The following INPP4B variants were observed in gnomAD, a reference collection of about 807,000 sequenced individuals.
INPP4B encodes the protein inositol polyphosphate-4-phosphatase type II B.
A neutral mutation model predicts 122.5 loss-of-function variants in INPP4B; 55 were observed. The ratio of observed to expected loss-of-function variants is 0.45; its 90% CI spans 0.36 to 0.56. The LOEUF (loss-of-function observed/expected upper bound fraction) is 0.56. Among genes scored for constraint, INPP4B ranks in the 20% least tolerant of loss-of-function variants. The pLI is 0.00. For synonymous variants in INPP4B, 403 were observed against 388.7 expected, an observed-to-expected ratio of 1.04 and a Z score of -0.43; for missense variants, 1,000 against 1,097.7, an observed-to-expected ratio of 0.91 and a Z score of 1.26.
chr4:142,164,941 G>A (rs1280088998), intron 16 of INPP4B, among the ~76,000 whole-genome samples: 2 of 151,298 alleles, frequency 1.3e-5, no homozygotes, highest in Non-Finnish European at 3.0e-5. Context: ...TTCTTTTCTT[G>A]ACTCATCATT....
chr4:142,093,127 T>C (rs4989471), intron 23 of INPP4B, among the ~76,000 whole-genome samples: 38,979 of 151,818 alleles, frequency 0.26, 5,036 homozygotes, highest in East Asian at 0.3. Context: ...AACCCAGCCA[T>C]TATGCTGGAA....
chr4:142,429,694 C>T (rs1808868481), intron 4 of INPP4B, among the ~76,000 whole-genome samples: 1 of 151,960 alleles, frequency 6.6e-6, no homozygotes, highest in Non-Finnish European at 1.5e-5. Context: ...GGTTATTCTG[C>T]TAATTTATTA....
intron 2 of INPP4B, among the ~76,000 whole-genome samples, chr4:142,658,652 C>A (rs186257949): frequency 1.3e-5 from 2 of 152,254 alleles, no homozygotes; most frequent in East Asian, 1.9e-4. Flanking sequence ...TCTTTTGCAG[C>A]AGGATGCAAT....
At chr4:142,285,238 G>A (rs1485363130) in intron 9 of INPP4B, among the ~76,000 whole-genome samples, 1 of 151,990 alleles carries the variant, frequency 6.6e-6, no homozygotes, top group African/African-American at 2.4e-5. Context: ...AGCCTGAGAG[G>A]CCATTGAGCT....
rs188757527 is a variant in INPP4B at position 142,160,683 on chromosome 4, G to A, written c.1360-122C>T. Reference sequence around the variant, plus strand: ...TGTGTATGGTGGAAAAAGTACAGACGCCAAGGAGAGAAAATGATTCATACC... The same window carrying A: ...TGTGTATGGTGGAAAAAGTACAGACACCAAGGAGAGAAAATGATTCATACC... On this transcript the variant is annotated intron_variant, in intron 16 of 25. Transcript: ENST00000262992. 1,781 of 607,890 alleles carry A rather than the reference G, an allele frequency of 2.9e-3. 4 individuals carry two copies. The highest frequency in any genetic ancestry group is 6.2e-3 in the Admixed American group (210 of 33,944). 37.7% of individuals were successfully genotyped at this position (607,890 alleles called of 1,614,324 possible).
intron 23 of INPP4B, among the ~76,000 whole-genome samples, chr4:142,102,460 CTTTT>C (rs35404733): frequency 3.0e-5 from 3 of 99,676 alleles, no homozygotes; most frequent in Non-Finnish European, 2.1e-5. Flanking sequence ...TGAACAAAGT[CTTTT>C]TTTTTTTTTT....
intron 25 of INPP4B, chr4:142,029,380 T>G: frequency 1.0e-6 from 1 of 985,554 alleles, no homozygotes. Context: ...TTTTATTATT[T>G]TAGCTGTGCA....
chr4:142,493,861 A>G (rs1161028782), intron 2 of INPP4B, among the ~76,000 whole-genome samples: 1 of 152,096 alleles, frequency 6.6e-6, no homozygotes. Context: ...GGGAGGGACC[A>G]GGGGGTTGGA....
chr4:142,540,721 T>G (rs1167210509), intron 2 of INPP4B, among the ~76,000 whole-genome samples: 1 of 152,138 alleles, frequency 6.6e-6, no homozygotes, highest in Non-Finnish European at 1.5e-5. Flanking sequence ...AATACATCAT[T>G]TTATTTTATG....
intron 2 of INPP4B, among the ~76,000 whole-genome samples, chr4:142,641,787 A>G (rs1403224921): frequency 6.6e-6 from 1 of 152,174 alleles, no homozygotes; most frequent in Non-Finnish European, 1.5e-5. Context: ...ATACCCAGTA[A>G]TGATTTGGCT....
At chr4:142,091,075 C>CA (rs1779314171) in intron 23 of INPP4B, among the ~76,000 whole-genome samples, 1 of 152,100 alleles carries the variant, frequency 6.6e-6, no homozygotes, top group South Asian at 2.1e-4. Flanking sequence ...TTGATGTTCT[C>CA]ATAGGAGGGG....
In INPP4B at chr4:142,460,965, G is replaced by A. The variant is rs532836055; in HGVS notation, c.-127+1698C>T. Among the ~76,000 whole-genome samples the A allele has an allele frequency of 1.1e-4, 16 of 152,200 alleles. No individual in the cohort carries two copies. The East Asian group carries it at 3.1e-3, about 29-fold the overall frequency. ...AGGCCAAGATGGGTGGATCATTTGA[G>A]CTCAGGGGTTCAAGACGAGCCTAGG... On this transcript the variant is annotated intron_variant, in intron 3 of 25. Transcript: ENST00000262992.
chr4:142,285,053 G>T (rs544833447), intron 9 of INPP4B, among the ~76,000 whole-genome samples: 1 of 152,048 alleles, frequency 6.6e-6, no homozygotes, highest in African/African-American at 2.4e-5. Flanking sequence ...GACAGAGCAG[G>T]ACTTCACATC....
At chr4:142,393,189 C>T (rs1469470721) in intron 7 of INPP4B, among the ~76,000 whole-genome samples, 1 of 151,830 alleles carries the variant, frequency 6.6e-6, no homozygotes, top group African/African-American at 2.4e-5. Flanking sequence ...TGCCAAGGCC[C>T]TGAGTTTTGC....
chr4:142,031,653 G>T (rs1197164979), intron 25 of INPP4B, among the ~76,000 whole-genome samples: 1 of 152,082 alleles, frequency 6.6e-6, no homozygotes, highest in Non-Finnish European at 1.5e-5. Flanking sequence ...TGAGTAACTT[G>T]GTTACTATTC....
chr4:142,216,664 A>G (rs1263862688), intron 12 of INPP4B, among the ~76,000 whole-genome samples: 1 of 152,174 alleles, frequency 6.6e-6, no homozygotes, highest in Non-Finnish European at 1.5e-5. Context: ...TTTTATTTTC[A>G]GTAAAATTGC....
intron 2 of INPP4B, among the ~76,000 whole-genome samples, chr4:142,692,289 A>C (rs1423321942): frequency 6.6e-6 from 1 of 152,246 alleles, no homozygotes; most frequent in Non-Finnish European, 1.5e-5. Context: ...AGAAATAAAT[A>C]TTGAGGATAA....
intron 1 of INPP4B, among the ~76,000 whole-genome samples, chr4:142,755,401 T>A (rs1770361680): frequency 6.6e-6 from 1 of 152,042 alleles, no homozygotes; most frequent in Non-Finnish European, 1.5e-5. Context: ...TCATTGAAAA[T>A]TATATTTCCT....
At chr4:142,194,324 C>T (rs899616643) in intron 14 of INPP4B, among the ~76,000 whole-genome samples, 1 of 152,144 alleles carries the variant, frequency 6.6e-6, no homozygotes, top group Admixed American at 6.6e-5. Flanking sequence ...GAAGTCAGCT[C>T]TTATTAAGAT....
Sources: gnomAD v4.1 joint callset for allele counts (sites outside exome capture counted in the v4.1 genomes callset) on GRCh38, gnomAD v4.1.1 for gene constraint, MANE v1.5 for transcripts, NCBI Gene and HGNC (gene_info 2026-07-23, HGNC 2026-07-21) for gene names.